Variants in SIK2 observed in about 807,000 individuals in gnomAD.
SIK2 encodes the protein salt inducible kinase 2.
A neutral mutation model predicts 103.2 loss-of-function variants in SIK2; 29 were observed. The ratio of observed to expected loss-of-function variants is 0.28; its 90% CI spans 0.21 to 0.38. The LOEUF (loss-of-function observed/expected upper bound fraction) is 0.38. SIK2 is among the 10% of genes least tolerant of loss of function. The pLI is 1.00. For missense variants in SIK2, 879 were observed against 1,171.0 expected (o/e 0.75, Z 3.64); for synonymous variants, 412 against 446.1 (o/e 0.92, Z 0.96).
At chr11:111,607,782 C>G (rs1044295722) in intron 1 of SIK2, among the ~76,000 whole-genome samples, 1 of 152,110 alleles carries the variant, frequency 6.6e-6, no homozygotes, top group African/African-American at 2.4e-5. Flanking sequence ...AAATGATCTG[C>G]TCTTTTTTGG....
intron 1 of SIK2, among the ~76,000 whole-genome samples, chr11:111,606,142 T>C (rs1293630633): frequency 1.3e-5 from 2 of 152,174 alleles, no homozygotes; most frequent in African/African-American, 4.8e-5. Context: ...AGGAAATAAC[T>C]TTTTCCTTCT....
intron 3 of SIK2, among the ~76,000 whole-genome samples, chr11:111,622,404 C>T (rs971589394): frequency 2.0e-5 from 3 of 151,834 alleles, no homozygotes; most frequent in Admixed American, 2.0e-4. Context: ...TACAGGCACC[C>T]ACCACCACAC....
At chr11:111,713,809 A>G (rs1047380840) in intron 9 of SIK2, among the ~76,000 whole-genome samples, 4 of 152,190 alleles carry the variant, frequency 2.6e-5, no homozygotes, top group Admixed American at 2.0e-4. Flanking sequence ...TCTACTAAAA[A>G]TACAAAAATT....
chr11:111,716,939 A>G (rs1269892515), intron 9 of SIK2, among the ~76,000 whole-genome samples: 1 of 152,112 alleles, frequency 6.6e-6, no homozygotes, highest in Admixed American at 6.5e-5. Flanking sequence ...TACAAGAAAA[A>G]TCCCCATTAA....
intron 1 of SIK2, among the ~76,000 whole-genome samples, chr11:111,610,446 G>A (rs1488169428): frequency 1.4e-5 from 2 of 147,844 alleles, no homozygotes; most frequent in Non-Finnish European, 3.0e-5. Context: ...AGCTGAGATC[G>A]CACCACTGCA....
At chr11:111,679,900 G>A (rs895294377) in intron 3 of SIK2, among the ~76,000 whole-genome samples, 14 of 152,134 alleles carry the variant, frequency 9.2e-5, no homozygotes, top group Admixed American at 5.9e-4. Context: ...CGAGGTGGGC[G>A]GATCACAAGG....
intron 4 of SIK2, among the ~76,000 whole-genome samples, chr11:111,695,522 A>T (rs1235754997): frequency 6.6e-6 from 1 of 152,234 alleles, no homozygotes; most frequent in Non-Finnish European, 1.5e-5. Context: ...GCAACAGTAA[A>T]CATTGACAAA....
chr11:111,700,881 A>C lies in SIK2; in HGVS notation c.479-5A>C, dbSNP rs752389796. ...TGAAAATAACATTTATTTCCATCCT[A>C]ATAGATTTCGGTTTTGGAAATTTCT... On this transcript the variant is annotated splice_polypyrimidine_tract_variant and splice_region_variant and intron_variant, in intron 4 of 14. Coordinates refer to ENST00000304987, the MANE Select transcript of SIK2 (RefSeq NM_015191.3). 4 of 1,613,676 alleles carry C rather than the reference A, an allele frequency of 2.5e-6. No individual in the cohort carries two copies. In the African/African-American group the frequency reaches 5.3e-5, roughly 22 times the overall value.
At chr11:111,612,370 A>C (rs1237406561) in intron 1 of SIK2, among the ~76,000 whole-genome samples, 1 of 152,202 alleles carries the variant, frequency 6.6e-6, no homozygotes. Flanking sequence ...AGTATTATAC[A>C]TATTTCTGGG....
intron 3 of SIK2, among the ~76,000 whole-genome samples, chr11:111,638,993 T>C (rs752071191): frequency 1.2e-4 from 19 of 152,206 alleles, no homozygotes; most frequent in Non-Finnish European, 2.2e-4. Context: ...GTTAAGTTAC[T>C]TATAGTTTGG....
intron 3 of SIK2, among the ~76,000 whole-genome samples, chr11:111,625,338 G>T (rs1941947633): frequency 6.6e-6 from 1 of 152,164 alleles, no homozygotes; most frequent in Admixed American, 6.5e-5. Context: ...CCAGACCGGG[G>T]AGTAGCAGTA....
chr11:111,656,350 G>A (rs1461164711), intron 3 of SIK2, among the ~76,000 whole-genome samples: 1 of 152,104 alleles, frequency 6.6e-6, no homozygotes, highest in Non-Finnish European at 1.5e-5. Context: ...CATTTACTAA[G>A]GAATGTGTTG....
intron 4 of SIK2, among the ~76,000 whole-genome samples, chr11:111,699,896 T>C (rs76025982): frequency 2.6e-4 from 40 of 152,370 alleles, no homozygotes; most frequent in African/African-American, 9.1e-4. Context: ...CCAGTCTTTC[T>C]TGAGCCATCT....
intron 1 of SIK2, among the ~76,000 whole-genome samples, chr11:111,605,511 T>A (rs979047700): frequency 6.6e-6 from 1 of 152,224 alleles, no homozygotes; most frequent in African/African-American, 2.4e-5. Context: ...ATCAGCAAAA[T>A]ATCACAATTA....
Position 111,652,501 on chromosome 11 carries a change from TATC to T in SIK2, c.316+32102_316+32104del, listed in dbSNP as rs1388989198. Among the ~76,000 whole-genome samples the T allele has an allele frequency of 2.0e-5, 3 of 152,176 alleles. No individual in the cohort carries two copies. In the East Asian group the frequency reaches 5.8e-4, roughly 29 times the overall value. On this transcript the variant is annotated intron_variant, in intron 3 of 14. Coordinates refer to ENST00000304987, the MANE Select transcript of SIK2 (RefSeq NM_015191.3). ...TATACCACTCCAATTTTGAGCAAGTTATCATGAAAAACATGGATCACTTAGATG... is the reference window on the plus strand; with the variant it reads ...TATACCACTCCAATTTTGAGCAAGTTATGAAAAACATGGATCACTTAGATG...
intron 4 of SIK2, among the ~76,000 whole-genome samples, chr11:111,692,397 GGAGAGAGGGAGA>G (rs1424731404): frequency 5.9e-5 from 7 of 118,036 alleles, no homozygotes; most frequent in Non-Finnish European, 7.2e-5. Context: ...AACACAAAAA[GGAGAGAGGGAGA>G]GAGAGAGATA....
chr11:111,695,257 C>T (rs1943043754), intron 4 of SIK2, among the ~76,000 whole-genome samples: 2 of 152,110 alleles, frequency 1.3e-5, no homozygotes, highest in Non-Finnish European at 2.9e-5. Context: ...ACCCTAAAGC[C>T]ATCTGCTGCT....
chr11:111,690,018 T>A (rs1942908229), intron 4 of SIK2, among the ~76,000 whole-genome samples: 1 of 152,142 alleles, frequency 6.6e-6, no homozygotes, highest in South Asian at 2.1e-4. Flanking sequence ...TATACACGTA[T>A]ATATAAAGAT....
At chr11:111,717,359 T>G (rs1943676184) in intron 9 of SIK2, among the ~76,000 whole-genome samples, 1 of 132,940 alleles carries the variant, frequency 7.5e-6, no homozygotes, top group Non-Finnish European at 1.6e-5. Context: ...ACATGACTGA[T>G]CATTAGAGAA....
Sources: allele counts gnomAD v4.1 joint callset (sites outside exome capture counted in the v4.1 genomes callset), GRCh38; gene constraint gnomAD v4.1.1; transcripts MANE v1.5; gene names NCBI Gene and HGNC (gene_info 2026-07-23, HGNC 2026-07-21).